Variants in ABLIM1 observed in about 807,000 individuals in gnomAD.
ABLIM1 encodes actin-binding LIM protein 1.
ABLIM1 carries 40 observed loss-of-function variants against 107.0 expected under a neutral mutation model. The observed-to-expected ratio is 0.37, with a 90% CI of 0.29 to 0.49. The LOEUF (loss-of-function observed/expected upper bound fraction) is 0.49. Ranked by LOEUF, ABLIM1 falls within the 20% of genes least tolerant of loss-of-function variation. The pLI is 0.97. For missense variants in ABLIM1, 857 were observed against 1,008.5 expected (o/e 0.85, Z 2.04); for synonymous variants, 357 against 357.3 (o/e 1.00, Z 0.01).
chr10:114,450,555 C>G (rs1228616191), intron 14 of ABLIM1, among the ~76,000 whole-genome samples: 1 of 151,082 alleles, frequency 6.6e-6, no homozygotes, highest in East Asian at 2.0e-4. Context: ...CCTGCCTCAG[C>G]CTCCCATGTG....
the ABLIM1 span, among the ~76,000 whole-genome samples, chr10:114,780,095 A>G: frequency 1.1e-4 from 17 of 152,194 alleles, no homozygotes; most frequent in Non-Finnish European, 2.1e-4. Context: ...TCAACTCTCT[A>G]TAAAAGCACT....
intron 1 of ABLIM1, among the ~76,000 whole-genome samples, chr10:114,704,429 T>C (rs1014569074): frequency 4.0e-5 from 6 of 151,120 alleles, no homozygotes; most frequent in Non-Finnish European, 7.4e-5. Context: ...GTGGTCTCAG[T>C]AGAACATTTT....
intron 1 of ABLIM1, among the ~76,000 whole-genome samples, chr10:114,704,344 T>G (rs1214784688): frequency 8.2e-5 from 8 of 96,992 alleles, no homozygotes; most frequent in Non-Finnish European, 1.1e-4. Context: ...ATTGCGCGCG[T>G]TACATCTGTG....
chr10:114,634,123 A>ATTTTTTTTTTTTTTTTT (rs1209219359), intron 1 of ABLIM1, among the ~76,000 whole-genome samples: 8 of 68,204 alleles, frequency 1.2e-4, no homozygotes, highest in African/African-American at 1.6e-4. Context: ...CATTAGCTCA[A>ATTTTTTTTTTTTTTTTT]TTTTTCTTTT....
chr10:114,601,781 C>T, intron 2 of ABLIM1, 46 bp downstream of exon 2: 1 of 1,614,088 alleles, frequency 6.2e-7, no homozygotes, highest in Non-Finnish European at 8.5e-7. Context: ...CAAGGCAAGC[C>T]CCGACCATGG....
chr10:114,577,236 C>CA (rs1195894195), intron 2 of ABLIM1, among the ~76,000 whole-genome samples: 1 of 152,154 alleles, frequency 6.6e-6, no homozygotes, highest in Non-Finnish European at 1.5e-5. Context: ...ACAGGAAACA[C>CA]AATGTTTGAA....
chr10:114,675,863 A>G (rs1210916771), intron 1 of ABLIM1, among the ~76,000 whole-genome samples: 1 of 152,204 alleles, frequency 6.6e-6, no homozygotes, highest in Non-Finnish European at 1.5e-5. Context: ...TGGTAGGTTC[A>G]GGCCTTTCTT....
At chr10:114,694,451 G>A (rs969147075) in intron 1 of ABLIM1, among the ~76,000 whole-genome samples, 27 of 152,140 alleles carry the variant, frequency 1.8e-4, no homozygotes, top group African/African-American at 6.5e-4. Flanking sequence ...AGCTATCCCT[G>A]GGGATTCTCA....
At chr10:114,635,899 G>A (rs973700203) in intron 1 of ABLIM1, among the ~76,000 whole-genome samples, 2 of 152,180 alleles carry the variant, frequency 1.3e-5, no homozygotes, top group Non-Finnish European at 2.9e-5. Flanking sequence ...TGGAGAATGA[G>A]TTCCTATTTG....
At chr10:114,599,439 T>C (rs1355648448) in intron 2 of ABLIM1, among the ~76,000 whole-genome samples, 1 of 152,142 alleles carries the variant, frequency 6.6e-6, no homozygotes, top group African/African-American at 2.4e-5. Context: ...AGTGCCCAGA[T>C]CTGAGTCTAC....
chr10:114,622,435 G>A (rs1179343813), intron 1 of ABLIM1, among the ~76,000 whole-genome samples: 1 of 151,480 alleles, frequency 6.6e-6, no homozygotes, highest in African/African-American at 2.4e-5. Context: ...GGGGGATGGG[G>A]GGAATTTTGT....
rs905899430 is a variant in ABLIM1, at chr10:114,547,655, G to A, written c.795C>T (p.Ile265=). 4.3e-6 allele frequency: 7 copies of A among 1,613,626 alleles called. No individual in the cohort carries two copies. In the African/African-American group the frequency reaches 8.0e-5, roughly 18 times the overall value. Residue 265 remains isoleucine (I), a synonymous_variant, in exon 5 of 23, where the codon ATC becomes ATT. Coordinates refer to ENST00000533213, the MANE Select transcript of ABLIM1 (RefSeq NM_002313.7). ...SCGKVLTGEY[I]SKDGAPYCEK... is the part of the protein sequence containing the mutation. ...GTGCCCGCGCCCAGCCTTACTTGCT[G>A]ATGTACTCCCCGGTGAGGACCTTCC...
intron 1 of ABLIM1, among the ~76,000 whole-genome samples, chr10:114,656,137 G>T (rs191666958): frequency 4.9e-4 from 75 of 152,096 alleles, no homozygotes; most frequent in Non-Finnish European, 1.5e-4. Context: ...AGGTGTGGTG[G>T]CACATGCCGG....
intron 1 of ABLIM1, among the ~76,000 whole-genome samples, chr10:114,746,995 A>G (rs1165368557): frequency 6.6e-6 from 1 of 152,204 alleles, no homozygotes; most frequent in Non-Finnish European, 1.5e-5. Flanking sequence ...TTGGATATTA[A>G]GCCCTTTGTA....
chr10:114,706,531 A>T (rs2081424934), intron 1 of ABLIM1, among the ~76,000 whole-genome samples: 1 of 152,234 alleles, frequency 6.6e-6, no homozygotes, highest in South Asian at 2.1e-4. Flanking sequence ...ACAACTATAA[A>T]TCCCAGCACC....
intron 4 of ABLIM1, among the ~76,000 whole-genome samples, chr10:114,561,066 C>G (rs1234104363): frequency 1.3e-5 from 2 of 152,186 alleles, no homozygotes; most frequent in Non-Finnish European, 2.9e-5. Context: ...TCAATTAAAA[C>G]AAATTGTTTC....
chr10:114,721,584 T>A lies in ABLIM1; in HGVS notation c.-213+46477A>T, dbSNP rs543157436. Among the ~76,000 whole-genome samples the A allele has an allele frequency of 1.2e-3, 190 of 152,068 alleles. 1 individual carries two copies. The highest frequency in any genetic ancestry group is 4.3e-3 in the African/African-American group (177 of 41,498). ...GCAACCTCTGCCTCCCAGGTTCAAATGATTCTCCTGCCTCAGCCTCCCGAG... is the reference window on the plus strand; with the variant it reads ...GCAACCTCTGCCTCCCAGGTTCAAAAGATTCTCCTGCCTCAGCCTCCCGAG... On this transcript the variant is annotated intron_variant, in intron 1 of 15. Coordinates refer to the ABLIM1 transcript ENST00000651092.
chr10:114,671,403 T>C (rs1354906762), intron 1 of ABLIM1, among the ~76,000 whole-genome samples: 1 of 152,252 alleles, frequency 6.6e-6, no homozygotes, highest in Non-Finnish European at 1.5e-5. Flanking sequence ...TGAATATCAC[T>C]GTACATGTCC....
intron 1 of ABLIM1, among the ~76,000 whole-genome samples, chr10:114,669,997 G>A (rs2080183012): frequency 1.3e-5 from 2 of 152,176 alleles, no homozygotes; most frequent in African/African-American, 4.8e-5. Flanking sequence ...AAAAGAGCTT[G>A]TTAAGGATAC....
Sources: allele counts gnomAD v4.1 joint callset (sites outside exome capture counted in the v4.1 genomes callset), GRCh38; gene constraint gnomAD v4.1.1; transcripts MANE v1.5; gene names NCBI Gene and HGNC (gene_info 2026-07-23, HGNC 2026-07-21).